Variants in ZNF704 observed in about 807,000 individuals in gnomAD.
ZNF704 encodes the protein zinc finger protein 704.
Under a neutral mutation model 44.7 loss-of-function variants are expected in ZNF704, and 10 were observed. The observed-to-expected ratio is 0.22, with a 90% CI of 0.14 to 0.38. The LOEUF (loss-of-function observed/expected upper bound fraction) is 0.38. Among genes scored for constraint, ZNF704 ranks in the 10% least tolerant of loss-of-function variants. ZNF704 has a pLI of 1.00. For synonymous variants in ZNF704, 211 were observed against 207.6 expected, an observed-to-expected ratio of 1.02 and a Z score of -0.14; for missense variants, 390 against 545.5, an observed-to-expected ratio of 0.71 and a Z score of 2.84.
At chr8:80,729,862 G>A (rs1221523214) in intron 2 of ZNF704, among the ~76,000 whole-genome samples, 1 of 152,208 alleles carries the variant, frequency 6.6e-6, no homozygotes, top group Non-Finnish European at 1.5e-5. Context: ...CACCCAAGGT[G>A]AATAGAGTTT....
At chr8:80,807,850 C>T (rs924157199) in intron 2 of ZNF704, among the ~76,000 whole-genome samples, 1 of 151,868 alleles carries the variant, frequency 6.6e-6, no homozygotes, top group Non-Finnish European at 1.5e-5. Flanking sequence ...ATTTTTAAAA[C>T]AAAATGGGCT....
At chr8:80,654,604 T>C (rs1383732485) in intron 7 of ZNF704, among the ~76,000 whole-genome samples, 2 of 152,254 alleles carry the variant, frequency 1.3e-5, no homozygotes, top group African/African-American at 2.4e-5. Context: ...TCATCATCAC[T>C]GGCCATCAGA....
chr8:80,677,984 T>C (rs1347518983), intron 4 of ZNF704, among the ~76,000 whole-genome samples: 1 of 152,240 alleles, frequency 6.6e-6, no homozygotes, highest in Admixed American at 6.5e-5. Flanking sequence ...GGTGATGCCC[T>C]GCATTGTGAG....
Position 80,864,117 on chromosome 8 carries a change from C to T in ZNF704, c.-22+10454G>A, listed in dbSNP as rs540959152. Among the ~76,000 whole-genome samples the T allele has an allele frequency of 2.0e-5, 3 of 152,228 alleles. No individual in the cohort carries two copies. In the South Asian group the frequency reaches 6.2e-4, roughly 32 times the overall value. ...TGAAAATTTACCACAGGAAATACTTCCTTTTTTAGAAACTCAATACTGAAG... is the reference window on the plus strand; with the variant it reads ...TGAAAATTTACCACAGGAAATACTTTCTTTTTTAGAAACTCAATACTGAAG... On this transcript the variant is annotated intron_variant, in intron 1 of 8. Coordinates refer to ENST00000327835, the MANE Select transcript of ZNF704 (RefSeq NM_001033723.3).
intron 2 of ZNF704, among the ~76,000 whole-genome samples, chr8:80,755,143 T>C (rs760542353): frequency 4.6e-5 from 7 of 152,098 alleles, no homozygotes; most frequent in Admixed American, 1.3e-4. Flanking sequence ...CCAGGATCTA[T>C]TGAAACCCAA....
chr8:80,743,515 C>T (rs536317229), intron 2 of ZNF704, among the ~76,000 whole-genome samples: 2 of 152,108 alleles, frequency 1.3e-5, no homozygotes, highest in Non-Finnish European at 2.9e-5. Context: ...AATCACATGC[C>T]TAGGATGTTC....
intron 2 of ZNF704, among the ~76,000 whole-genome samples, chr8:80,753,737 G>T (rs961285652): frequency 6.6e-6 from 1 of 152,198 alleles, no homozygotes; most frequent in African/African-American, 2.4e-5. Flanking sequence ...AATGTTTAAA[G>T]TAATATCATC....
intron 1 of ZNF704, among the ~76,000 whole-genome samples, chr8:80,824,159 A>T (rs780492313): frequency 2.0e-5 from 3 of 152,210 alleles, no homozygotes; most frequent in Non-Finnish European, 4.4e-5. Flanking sequence ...AACCCATTGC[A>T]AAGAAGCTAA....
chr8:80,814,365 A>T (rs1427036280), intron 2 of ZNF704: 2 of 152,228 alleles, frequency 1.3e-5, no homozygotes, highest in African/African-American at 2.4e-5. Context: ...AATGTCAATT[A>T]TACTGGTTCC....
At chr8:80,665,336 T>C (rs1334256049) in intron 5 of ZNF704, among the ~76,000 whole-genome samples, 2 of 152,184 alleles carry the variant, frequency 1.3e-5, no homozygotes, top group African/African-American at 2.4e-5. Context: ...GAATCTAATA[T>C]GTTCAGGCAC....
At chr8:80,798,777 C>A (rs775149619) in intron 2 of ZNF704, among the ~76,000 whole-genome samples, 3 of 152,178 alleles carry the variant, frequency 2.0e-5, no homozygotes, top group Non-Finnish European at 4.4e-5. Flanking sequence ...TCTCTCAGTA[C>A]CTTTTTCTGT....
intron 4 of ZNF704, among the ~76,000 whole-genome samples, chr8:80,672,002 A>T (rs1290212948): frequency 6.6e-6 from 1 of 152,222 alleles, no homozygotes; most frequent in Non-Finnish European, 1.5e-5. Context: ...GTGGTTTTTA[A>T]TGTTTAAAAT....
chr8:80,822,006 A>G (rs920600836), intron 1 of ZNF704, among the ~76,000 whole-genome samples: 20 of 152,244 alleles, frequency 1.3e-4, no homozygotes, highest in African/African-American at 4.1e-4. Flanking sequence ...GAGCTAATGT[A>G]TAAAATCTAA....
intron 2 of ZNF704, among the ~76,000 whole-genome samples, chr8:80,720,841 T>G (rs1373193867): frequency 1.3e-5 from 2 of 152,164 alleles, no homozygotes; most frequent in Non-Finnish European, 2.9e-5. Context: ...CTCACCAATC[T>G]CAGTCATGCA....
intron 2 of ZNF704, among the ~76,000 whole-genome samples, chr8:80,770,705 A>G (rs1328976393): frequency 6.6e-6 from 1 of 152,128 alleles, no homozygotes; most frequent in Non-Finnish European, 1.5e-5. Context: ...TATTTGATAG[A>G]GTGCAATTTA....
At position 80,643,127 on chromosome 8, in the gene ZNF704, C is replaced by A; in HGVS notation, c.1035G>T (p.Val345=). 1 of 1,601,008 alleles carries A rather than the reference C, an allele frequency of 6.2e-7. No homozygotes were observed. The highest frequency in any genetic ancestry group is 8.5e-7 in the Non-Finnish European group (1 of 1,173,378). ...SPPVTFTGIP[V]SPTHHPVGTG... is the part of the protein sequence containing the mutation. ...TGCCCACCGGATGATGTGTGGGTGA[C>A]ACCTGGTGAATACATGGAAAAGAAA... The change falls in exon 8 of 9, where the codon GTG becomes GTT. Residue 345 remains valine, a splice_region_variant and synonymous_variant. Coordinates refer to ENST00000327835, the MANE Select transcript of ZNF704 (RefSeq NM_001033723.3).
At chr8:80,877,626 A>G (rs139006059), upstream of ZNF704, among the ~76,000 whole-genome samples, 1 of 152,314 alleles carries the variant, frequency 6.6e-6, no homozygotes, top group East Asian at 1.9e-4. Flanking sequence ...GCCATGGGAT[A>G]AAGAAGGAGC....
At chr8:80,707,619 A>G (rs925974854) in intron 2 of ZNF704, among the ~76,000 whole-genome samples, 21 of 152,218 alleles carry the variant, frequency 1.4e-4, no homozygotes, top group African/African-American at 4.8e-4. Flanking sequence ...AAAAATGGCA[A>G]TTTCATATGG....
chr8:80,781,973 G>T (rs1807531053), intron 2 of ZNF704, among the ~76,000 whole-genome samples: 1 of 152,146 alleles, frequency 6.6e-6, no homozygotes, highest in Non-Finnish European at 1.5e-5. Flanking sequence ...ATAGACATCA[G>T]TTAAATGTAA....
Sources: allele counts gnomAD v4.1 joint callset (sites outside exome capture counted in the v4.1 genomes callset), GRCh38; gene constraint gnomAD v4.1.1; transcripts MANE v1.5; gene names NCBI Gene and HGNC (gene_info 2026-07-23, HGNC 2026-07-21).